The following EDIL3 variants were observed in gnomAD, a reference collection of about 807,000 sequenced individuals.
EDIL3 encodes the protein EGF like and discoidin domains 3.
A neutral mutation model predicts 67.4 loss-of-function variants in EDIL3; 37 were observed. The ratio of observed to expected loss-of-function variants is 0.55; its 90% CI spans 0.42 to 0.72. The LOEUF (loss-of-function observed/expected upper bound fraction) is 0.72. EDIL3 is among the 30% of genes least tolerant of loss of function. EDIL3 has a pLI of 0.00. For missense variants in EDIL3, 527 were observed against 586.3 expected (o/e 0.90, Z 1.04); for synonymous variants, 195 against 196.3 (o/e 0.99, Z 0.05).
At chr5:84,251,638 T>C in intron 2 of EDIL3, among the ~76,000 whole-genome samples, 1 of 152,166 alleles carries the variant, frequency 6.6e-6, no homozygotes, top group East Asian at 1.9e-4. Context: ...TAGGGTAATG[T>C]TTCTGTCATA....
chr5:84,215,034 G>T (rs923466855), intron 3 of EDIL3, among the ~76,000 whole-genome samples: 1 of 151,864 alleles, frequency 6.6e-6, no homozygotes, highest in African/African-American at 2.4e-5. Context: ...GTGTGTTCTT[G>T]AATTAATAAT....
chr5:83,979,181 A>G (rs1744923804), intron 9 of EDIL3, among the ~76,000 whole-genome samples: 1 of 152,124 alleles, frequency 6.6e-6, no homozygotes, highest in Non-Finnish European at 1.5e-5. Context: ...AAGTTTCATT[A>G]GTAATCACGG....
At chr5:84,174,849 G>C (rs1449369018) in intron 4 of EDIL3, among the ~76,000 whole-genome samples, 1 of 152,156 alleles carries the variant, frequency 6.6e-6, no homozygotes, top group Non-Finnish European at 1.5e-5. Flanking sequence ...TAGTGCTGCT[G>C]CCACATCTGG....
In EDIL3 at chr5:83,956,191, T is replaced by TTGTC. The variant is rs1249649832; in HGVS notation, c.1293+7010_1293+7013dup. On this transcript the variant is annotated intron_variant, in intron 10 of 10. Transcript: ENST00000296591. ...TCTATCCCATAAGCCGCACCTCCTGTTGTCCCCTTCCTTTCCTGCTCTTAA... is the reference window on the plus strand; with the variant it reads ...TCTATCCCATAAGCCGCACCTCCTGTTGTCTGTCCCCTTCCTTTCCTGCTCTTAA... Among the ~76,000 whole-genome samples the TTGTC allele has an allele frequency of 2.6e-5, 4 of 151,922 alleles. No individual in the cohort carries two copies. In the East Asian group the frequency reaches 7.8e-4, roughly 30 times the overall value.
intron 6 of EDIL3, among the ~76,000 whole-genome samples, chr5:84,071,764 G>T (rs763838369): frequency 6.6e-5 from 10 of 152,136 alleles, no homozygotes; most frequent in Non-Finnish European, 1.5e-4. Context: ...TAATTTAAAA[G>T]TTCTGCAAGT....
chr5:83,980,876 A>G (rs189310222), intron 9 of EDIL3, among the ~76,000 whole-genome samples: 268 of 151,928 alleles, frequency 1.8e-3, no homozygotes, highest in Non-Finnish European at 3.2e-3. Context: ...GAAATTAAGA[A>G]AACAATTCTA....
chr5:83,955,246 T>C (rs986680274), intron 10 of EDIL3, among the ~76,000 whole-genome samples: 1 of 151,734 alleles, frequency 6.6e-6, no homozygotes, highest in African/African-American at 2.4e-5. Flanking sequence ...ATTGAGAAGA[T>C]AAAAATAGGA....
chr5:84,326,505 C>G (rs1217295764), intron 1 of EDIL3, among the ~76,000 whole-genome samples: 2 of 113,492 alleles, frequency 1.8e-5, no homozygotes, highest in African/African-American at 3.0e-5. Context: ...TACCACCAAG[C>G]CCTACACTTA....
At chr5:83,960,076 T>C (rs1026044345) in intron 10 of EDIL3, among the ~76,000 whole-genome samples, 3 of 151,142 alleles carry the variant, frequency 2.0e-5, no homozygotes, top group Middle Eastern at 3.4e-3. Context: ...TTGGTGTCAG[T>C]TGTCTTCTTC....
chr5:84,284,808 A>G lies in EDIL3; in HGVS notation c.68-30596T>C, dbSNP rs199905738. ...CCCTGCAGCAAACTGCTGGAAAGCTATCTTTGTTTTCAGTATAAAAAAGAA... is the reference window on the plus strand; with the variant it reads ...CCCTGCAGCAAACTGCTGGAAAGCTGTCTTTGTTTTCAGTATAAAAAAGAA... On this transcript the variant is annotated intron_variant, in intron 1 of 10. Coordinates refer to ENST00000296591, the MANE Select transcript of EDIL3 (RefSeq NM_005711.5). Among the ~76,000 whole-genome samples, 7 of 152,310 alleles carry G rather than the reference A, an allele frequency of 4.6e-5. No individual in the cohort carries two copies. The East Asian group carries it at 1.4e-3, about 29-fold the overall frequency.
At chr5:84,003,220 C>T (rs1407110827) in intron 9 of EDIL3, among the ~76,000 whole-genome samples, 1 of 152,184 alleles carries the variant, frequency 6.6e-6, no homozygotes, top group Non-Finnish European at 1.5e-5. Context: ...GTAGTGTAGC[C>T]ACTCCACACC....
intron 6 of EDIL3, among the ~76,000 whole-genome samples, chr5:84,084,318 T>G (rs1747029648): frequency 6.6e-6 from 1 of 152,178 alleles, no homozygotes; most frequent in Non-Finnish European, 1.5e-5. Flanking sequence ...TTTTCTAACG[T>G]TGAAGAATAA....
At chr5:83,991,112 C>T (rs1440256961) in intron 9 of EDIL3, among the ~76,000 whole-genome samples, 1 of 152,042 alleles carries the variant, frequency 6.6e-6, no homozygotes, top group Admixed American at 6.5e-5. Context: ...GATCCTGAAA[C>T]TTTTCTTCCT....
intron 5 of EDIL3, among the ~76,000 whole-genome samples, chr5:84,131,102 AT>A (rs887309153): frequency 1.9e-4 from 29 of 151,246 alleles, no homozygotes; most frequent in South Asian, 4.2e-4. Context: ...ATATACAGGT[AT>A]TTTTTTTTCA....
chr5:84,075,577 G>C (rs1746838332), intron 6 of EDIL3, among the ~76,000 whole-genome samples: 1 of 152,058 alleles, frequency 6.6e-6, no homozygotes, highest in South Asian at 2.1e-4. Context: ...CCAGGTTCAA[G>C]CAATTCTCCT....
intron 4 of EDIL3, among the ~76,000 whole-genome samples, chr5:84,152,778 T>C (rs779847399): frequency 6.6e-6 from 1 of 152,204 alleles, no homozygotes; most frequent in Non-Finnish European, 1.5e-5. Context: ...TTAGAGGTGA[T>C]ATTAATATCT....
At chr5:84,069,216 T>C (rs1157251072) in intron 6 of EDIL3, among the ~76,000 whole-genome samples, 1 of 152,198 alleles carries the variant, frequency 6.6e-6, no homozygotes, top group East Asian at 1.9e-4. Flanking sequence ...GAACACTGTG[T>C]ATCCTTAAAA....
At chr5:84,141,868 C>A (rs1016036634) in intron 4 of EDIL3, among the ~76,000 whole-genome samples, 7 of 146,650 alleles carry the variant, frequency 4.8e-5, no homozygotes, top group Non-Finnish European at 1.0e-4. Context: ...CTGGAGATTT[C>A]GCTGTGAGAA....
chr5:84,100,250 C>T (rs1274636480), intron 6 of EDIL3, among the ~76,000 whole-genome samples: 1 of 152,102 alleles, frequency 6.6e-6, no homozygotes, highest in Non-Finnish European at 1.5e-5. Context: ...GATTAGAAAT[C>T]ATGCTGCTAT....
Sources: gnomAD v4.1 joint callset for allele counts (sites outside exome capture counted in the v4.1 genomes callset) on GRCh38, gnomAD v4.1.1 for gene constraint, MANE v1.5 for transcripts, NCBI Gene and HGNC (gene_info 2026-07-23, HGNC 2026-07-21) for gene names.